OFD1: variants seen among roughly 807,000 people sequenced by gnomAD.
OFD1 encodes centriole and centriolar satellite protein OFD1.
A neutral mutation model predicts 81.4 loss-of-function variants in OFD1; 12 were observed. The observed-to-expected ratio is 0.15, with a 90% CI of 0.09 to 0.24. The LOEUF (loss-of-function observed/expected upper bound fraction) is 0.24, where lower values mean the gene tolerates loss of function less well. Among genes scored for constraint, OFD1 ranks in the 10% least tolerant of loss-of-function variants. OFD1 has a pLI of 1.00. For synonymous variants in OFD1, 256 were observed against 263.7 expected, an observed-to-expected ratio of 0.97 and a Z score of 0.28; for missense variants, 685 against 733.9, an observed-to-expected ratio of 0.93 and a Z score of 0.77.
the OFD1 span, among the ~76,000 whole-genome samples, chrX:13,719,232 G>A: frequency 0.019 from 1,559 of 81,570 alleles, 31 homozygotes; most frequent in African/African-American, 0.069. Context: ...AAAATATATG[G>A]TCCATTTCCT....
At chrX:13,714,533 C>T in the OFD1 span, 1 of 839,342 alleles carries the variant, frequency 1.2e-6, no homozygotes, top group East Asian at 3.6e-5. Context: ...ATTAGTGAAG[C>T]AAAAAAGCTG....
intron 5 of OFD1, chrX:13,739,800 C>G: frequency 1.3e-6 from 1 of 750,737 alleles, no homozygotes; most frequent in Non-Finnish European, 1.6e-6. Flanking sequence ...TAATTTTGGC[C>G]TTGATAATAG....
At chrX:13,746,995 C>T (rs771560745) in intron 8 of OFD1, 42 bp downstream of exon 8, 67 of 1,139,782 alleles carry the variant, frequency 5.9e-5, no homozygotes, top group Non-Finnish European at 7.9e-5. Context: ...TTTCCTGCAG[C>T]TATTAGTAGG....
chrX:13,772,568 C>G (rs1321231317), downstream of OFD1: 5 of 229,461 alleles, frequency 2.2e-5, no homozygotes, highest in Non-Finnish European at 4.0e-5. Flanking sequence ...GTGACATATT[C>G]CATTGAGTGT....
chrX:13,758,553 G>C (rs2047802563), intron 15 of OFD1, 105 bp downstream of exon 15: 1 of 501,417 alleles, frequency 2.0e-6, no homozygotes, highest in Admixed American at 3.4e-5. Context: ...TTGTTTTAGG[G>C]GAAAAGCCAT....
At position 13,755,141 on chromosome X, in the gene OFD1, C is replaced by T. The variant is rs752190157; in HGVS notation, c.1130-10C>T. The stretch of plus-strand genomic sequence containing the variant: ...CATTATGGTGTTTAATTGGTGGGCT[C>T]TTTTTTCAGAAAAAGCTGTTCATTT... On this transcript the variant is annotated splice_polypyrimidine_tract_variant and intron_variant, in intron 11 of 22. Transcript: ENST00000340096. The T allele has an allele frequency of 2.5e-6, 3 of 1,184,393 alleles. No homozygotes were observed. Among genetic ancestry groups the T allele is most frequent in the Non-Finnish European group, 3.4e-6 (3 of 872,311 alleles).
chrX:13,746,390 G>A lies in OFD1; in HGVS notation c.589G>A (p.Glu197Lys). ...TCAGCGTATCAAGTTCGAATCTTTA[G>A]AAATAAAGCTAAATGAGTATAAGAG... ...YPQRIKFESL[E>K]IKLNEYKREI... Residue 197 changes from glutamate (E) to lysine (K), a missense_variant, in exon 7 of 23, where the codon GAA becomes AAA. Physicochemically the swap from Glu to Lys is moderately conservative, Grantham distance 56 (BLOSUM62 1). Around this residue, in one of 3 missense-constraint regions of OFD1, gnomAD observed 414 missense variants for 447.2 expected, o/e 0.93. Transcript: ENST00000340096. 1 of 1,206,972 alleles carries A rather than the reference G, an allele frequency of 8.3e-7. No homozygotes were observed. The highest frequency in any genetic ancestry group is 1.1e-6 in the Non-Finnish European group (1 of 891,485).
At chrX:13,771,273 C>CT (rs1195239438), downstream of OFD1, 2 of 111,308 alleles carry the variant, frequency 1.8e-5, no homozygotes, top group Non-Finnish European at 3.8e-5. Context: ...ACACTGGACT[C>CT]TGACAGCACC....
At chrX:13,732,107 A>G (rs996875042), upstream of OFD1, among the ~76,000 whole-genome samples, 1 of 112,112 alleles carries the variant, frequency 8.9e-6, no homozygotes, top group African/African-American at 3.2e-5. Flanking sequence ...CAAAAAAGCT[A>G]ATCAATTCTA....
chrX:13,751,350 T>C lies in OFD1; in HGVS notation c.1037T>C (p.Leu346Pro). Residue 346 changes from leucine (L) to proline (P), a missense_variant, in exon 10 of 23, where the codon CTC (leucine) becomes CCC (proline). By Grantham distance (98) the Leu-to-Pro change is moderately conservative (BLOSUM62 -3). Coordinates refer to ENST00000340096, the MANE Select transcript of OFD1 (RefSeq NM_003611.3). ...TTTGAGGAGACCTATGACCGAAAGC[T>C]CAAGAATGAACTTCTAAAGTAATTG... is the stretch of plus-strand genomic sequence containing the variant. ...KSFEETYDRK[L>P]KNELLKYQLE... is the part of the protein sequence containing the mutation. 8.3e-7 allele frequency: 1 copy of C among 1,199,754 alleles called. No individual in the cohort carries two copies. Among genetic ancestry groups the C allele is most frequent in the Non-Finnish European group, 1.1e-6 (1 of 885,704 alleles).
At chrX:13,722,731 C>T in the OFD1 span, among the ~76,000 whole-genome samples, 8 of 112,097 alleles carry the variant, frequency 7.1e-5, no homozygotes, top group Admixed American at 7.6e-4. Context: ...TGTTCTACAC[C>T]TGTGCTGTCC....
At chrX:13,758,837 AAG>A (rs1290458043) in intron 15 of OFD1, among the ~76,000 whole-genome samples, 20 of 111,216 alleles carry the variant, frequency 1.8e-4, no homozygotes, top group African/African-American at 6.3e-4. Flanking sequence ...GTTTAGCAAA[AAG>A]AATATTGCCT....
upstream of OFD1, chrX:13,734,581 C>T (rs1211328612): frequency 1.0e-5 from 6 of 578,623 alleles, no homozygotes; most frequent in Non-Finnish European, 2.2e-6. Flanking sequence ...AAGAGACCCG[C>T]GCCCCGAACC....
Position 13,738,892 on chromosome X carries a change from C to T in OFD1, c.359C>T (p.Thr120Ile), listed in dbSNP as rs777207192. The T allele has an allele frequency of 2.5e-6, 3 of 1,191,496 alleles. No homozygotes were observed. The highest frequency in any genetic ancestry group is 3.4e-6 in the Non-Finnish European group (3 of 879,444). Residue 120 changes from threonine (T) to isoleucine (I), a missense_variant, in exon 4 of 23, where the codon ACT becomes ATT. By Grantham distance (89) the Thr-to-Ile change is moderately conservative. This residue lies in a region of OFD1 where 414 missense variants were observed against 447.2 expected (regional missense o/e 0.93). Transcript: ENST00000340096. Reference sequence around the variant, plus strand: ...TTACAACTCATTAAAATCAACCCTACTTCCAGTCTCTACAAATCACTGGTA... The same window carrying T: ...TTACAACTCATTAAAATCAACCCTATTTCCAGTCTCTACAAATCACTGGTA... ...DLLQLIKINPTSSLYKSLVSG... is the reference protein window; with the variant it reads ...DLLQLIKINPISSLYKSLVSG...
intron 19 of OFD1, among the ~76,000 whole-genome samples, chrX:13,765,131 CATTTT>C (rs2048078939): frequency 9.0e-6 from 1 of 111,294 alleles, no homozygotes; most frequent in Non-Finnish European, 1.9e-5. Context: ...TGGCGAGTGA[CATTTT>C]AGTTATTGAG....
intron 6 of OFD1, 51 bp downstream of exon 6, chrX:13,744,570 T>A: frequency 2.6e-6 from 2 of 769,304 alleles, no homozygotes; most frequent in South Asian, 2.1e-5. Flanking sequence ...TCATTTTGAA[T>A]GAAGGAAATT....
At chrX:13,723,749 G>A in the OFD1 span, among the ~76,000 whole-genome samples, 7 of 110,550 alleles carry the variant, frequency 6.3e-5, no homozygotes. Context: ...GAGGACAAGA[G>A]GAGAATCTAG....
At position 13,746,185 on chromosome X, in the gene OFD1, G is replaced by T. The variant is rs771462722; in HGVS notation, c.518-134G>T. On this transcript the variant is annotated intron_variant, in intron 6 of 22. Coordinates refer to ENST00000340096, the MANE Select transcript of OFD1 (RefSeq NM_003611.3). The stretch of plus-strand genomic sequence containing the variant: ...TCCATTCATCCACCTTCCTTTTTTT[G>T]TATTTCAAAGTAAGTTGCAGATAAT... 11 of 525,173 alleles carry T rather than the reference G, an allele frequency of 2.1e-5. No homozygotes were observed. The Admixed American group carries it at 2.3e-4, about 11-fold the overall frequency. 43.3% of individuals were successfully genotyped at this position (525,173 alleles called of 1,213,427 possible).
chrX:13,770,308 C>CTGAT (rs1344103234), downstream of OFD1, among the ~76,000 whole-genome samples: 1 of 111,945 alleles, frequency 8.9e-6, no homozygotes, highest in African/African-American at 3.3e-5. Flanking sequence ...ATTGAGCCTC[C>CTGAT]TGATTGTTCT....
Sources: gnomAD v4.1 joint callset for allele counts (sites outside exome capture counted in the v4.1 genomes callset) on GRCh38, gnomAD v4.1.1 for gene constraint, gnomAD v4.1.1 regional missense constraint, MANE v1.5 for transcripts, NCBI Gene and HGNC (gene_info 2026-07-23, HGNC 2026-07-21) for gene names.